CDH4: variants seen among roughly 807,000 people sequenced by gnomAD.
CDH4 encodes the protein cadherin 4, also known as cadherin-4.
A neutral mutation model predicts 86.0 loss-of-function variants in CDH4; 33 were observed. That is an observed-to-expected ratio of 0.38 (90% CI 0.29 to 0.51). The LOEUF is 0.51. Among genes scored for constraint, CDH4 ranks in the 20% least tolerant of loss-of-function variants. The pLI is 0.86. For synonymous variants in CDH4, 555 were observed against 549.4 expected, an observed-to-expected ratio of 1.01 and a Z score of -0.14; for missense variants, 1,114 against 1,307.4, an observed-to-expected ratio of 0.85 and a Z score of 2.28.
rs2085029651 is a variant in CDH4 at position 61,398,155 on chromosome 20, T to G, written c.169+143218T>G. ...GAATGAGCATTCAAGCGTATCAGTC[T>G]TGGTTATTTATCTTGGAATTGATAA... On this transcript the variant is annotated intron_variant, in intron 2 of 15. Coordinates refer to ENST00000614565, the MANE Select transcript of CDH4 (RefSeq NM_001794.5). Among the ~76,000 whole-genome samples, 3 of 152,362 alleles carry G rather than the reference T, an allele frequency of 2.0e-5. No homozygotes were observed. In the South Asian group the frequency reaches 6.2e-4, roughly 32 times the overall value.
chr20:61,485,377 T>C (rs932136414), intron 2 of CDH4, among the ~76,000 whole-genome samples: 1 of 152,176 alleles, frequency 6.6e-6, no homozygotes, highest in African/African-American at 2.4e-5. Flanking sequence ...AAAGCATCCC[T>C]GCGGAGGAGG....
chr20:61,732,006 G>T (rs2088195765), intron 2 of CDH4, among the ~76,000 whole-genome samples: 1 of 152,136 alleles, frequency 6.6e-6, no homozygotes, highest in Admixed American at 6.5e-5. Context: ...ACCACCTTCA[G>T]AAACCTTGGA....
At chr20:61,565,112 GCTGGTGCTCTTGGTGGTGCTGGTC>G (rs2145693555) in intron 2 of CDH4, among the ~76,000 whole-genome samples, 1 of 123,758 alleles carries the variant, frequency 8.1e-6, no homozygotes, top group Non-Finnish European at 1.8e-5. Flanking sequence ...TCTTGGTGGT[GCTGGTGCTCTTGGTGGTGCTGGTC>G]CTCTTGGTGT....
intron 8 of CDH4, among the ~76,000 whole-genome samples, chr20:61,898,768 G>A (rs1010717697): frequency 7.2e-5 from 11 of 152,150 alleles, no homozygotes; most frequent in African/African-American, 2.4e-4. Flanking sequence ...TCAAGGTGTC[G>A]TCGGGAGCAC....
In CDH4 at chr20:61,910,485, C is replaced by A; in HGVS notation, c.1252C>A (p.Arg418=). The change falls in exon 9 of 16, where the codon CGA becomes AGA. Residue 418 remains arginine (R), a synonymous_variant. Transcript: ENST00000614565. The part of the protein sequence containing the change: ...TVVANLTVMD[R]DQPHSPNWNA... ...GGTCGCAAACCTCACGGTGATGGACCGAGATCAGCCCCACTCTCCAAACTG... is the reference window on the plus strand; with the variant it reads ...GGTCGCAAACCTCACGGTGATGGACAGAGATCAGCCCCACTCTCCAAACTG... 1.9e-6 allele frequency: 3 copies of A among 1,614,000 alleles called. No individual in the cohort carries two copies. Among genetic ancestry groups the A allele is most frequent in the Non-Finnish European group, 2.5e-6 (3 of 1,180,038 alleles).
rs1460562854 is a variant in CDH4 at position 61,417,451 on chromosome 20, C to A, written c.169+162514C>A. Among the ~76,000 whole-genome samples, 1 of 152,164 alleles carries A rather than the reference C, an allele frequency of 6.6e-6. No individual in the cohort carries two copies. Among genetic ancestry groups the A allele is most frequent in the Non-Finnish European group, 1.5e-5 (1 of 68,036 alleles). ...GTGGGGCCCGAGTGCCAGCTGTTTC[C>A]TCTAAAAATATCACCCACGTGAGCC... is the stretch of plus-strand genomic sequence containing the variant. On this transcript the variant is annotated intron_variant, in intron 2 of 15. Coordinates refer to ENST00000614565, the MANE Select transcript of CDH4 (RefSeq NM_001794.5). The surrounding 1 kb of genome is among the most constrained non-coding windows in gnomAD (Gnocchi z 4.0).
chr20:61,849,688 CT>C (rs1412729965), intron 5 of CDH4, among the ~76,000 whole-genome samples: 5 of 152,200 alleles, frequency 3.3e-5, no homozygotes, highest in African/African-American at 9.6e-5. Context: ...CAGCCACCCC[CT>C]GAAGGGCACC....
chr20:61,910,355 C>T (rs1296483874), intron 8 of CDH4, 67 bp from the exon 9 acceptor site: 8 of 1,348,874 alleles, frequency 5.9e-6, no homozygotes, highest in African/African-American at 5.7e-5. Context: ...ACATATGCTA[C>T]GTGCACTTCT....
intron 5 of CDH4, among the ~76,000 whole-genome samples, chr20:61,852,541 C>T (rs747796503): frequency 1.1e-4 from 17 of 152,158 alleles, no homozygotes; most frequent in East Asian, 1.9e-4. Flanking sequence ...CAGCTCTGTG[C>T]GTCGCCCCAC....
intron 2 of CDH4, among the ~76,000 whole-genome samples, chr20:61,275,226 A>AC (rs1270468722): frequency 7.9e-6 from 1 of 127,056 alleles, no homozygotes; most frequent in Admixed American, 9.2e-5. Context: ...TTGGGGGAGT[A>AC]CCGTGTGCAG....
chr20:61,731,510 T>TC (rs753639381), intron 2 of CDH4, among the ~76,000 whole-genome samples: 21 of 152,046 alleles, frequency 1.4e-4, no homozygotes, highest in South Asian at 4.2e-4. Flanking sequence ...CCTGGGCAGG[T>TC]CCCCCCCAGG....
intron 2 of CDH4, among the ~76,000 whole-genome samples, chr20:61,282,645 A>C (rs1281385796): frequency 6.6e-6 from 1 of 152,176 alleles, no homozygotes; most frequent in Non-Finnish European, 1.5e-5. Context: ...TAATGTGTTC[A>C]TATGTACATA....
chr20:61,676,457 G>A lies in CDH4; in HGVS notation c.170-67106G>A, dbSNP rs1229596057. On this transcript the variant is annotated intron_variant, in intron 2 of 15. Coordinates refer to ENST00000614565, the MANE Select transcript of CDH4 (RefSeq NM_001794.5). This position sits in a 1 kb window ranked among gnomAD's most constrained non-coding sequence, Gnocchi z 4.5. ...GATGGTGTGAACAATGGAGGCCCGG[G>A]GCTCCCTCCTCCTGGGTCTACCCCT... Among the ~76,000 whole-genome samples the A allele has an allele frequency of 6.6e-6, 1 of 152,054 alleles. No homozygotes were observed. Among genetic ancestry groups the A allele is most frequent in the African/African-American group, 2.4e-5 (1 of 41,396 alleles).
rs117160821 is a variant in CDH4, at chr20:61,741,494, G to A, written c.170-2069G>A. Among the ~76,000 whole-genome samples, 866 of 132,258 alleles carry A rather than the reference G, an allele frequency of 6.5e-3. 5 individuals carry two copies. Among genetic ancestry groups the A allele is most frequent in the Middle Eastern group, 0.011 (3 of 262 alleles). The allele number at this position is 132,258 out of a possible 152,430, so 86.8% of individuals were successfully genotyped here. A position where few individuals can be genotyped will look rare whatever the true frequency, so the allele number is the denominator to read the frequency against. On this transcript the variant is annotated intron_variant, in intron 2 of 15. Transcript: ENST00000614565. ...AAGATGTCACCAAAGCTGTGTGCCT[G>A]TACTTTTTTTTTTTTGAGACCGAGT...
intron 2 of CDH4, among the ~76,000 whole-genome samples, chr20:61,419,543 C>T (rs1029380989): frequency 9.9e-5 from 15 of 152,152 alleles, no homozygotes; most frequent in African/African-American, 2.4e-4. Context: ...GAGAGGGGAT[C>T]GTTTGGCTTC....
At chr20:61,503,674 T>G (rs970803650) in intron 2 of CDH4, among the ~76,000 whole-genome samples, 5 of 152,238 alleles carry the variant, frequency 3.3e-5, no homozygotes, top group African/African-American at 1.2e-4. Flanking sequence ...GGTAATTGAC[T>G]CCAACATAGA....
rs1225693519 is a variant in CDH4 at position 61,574,919 on chromosome 20, C to T, written c.170-168644C>T. Among the ~76,000 whole-genome samples, 12 of 152,320 alleles carry T rather than the reference C, an allele frequency of 7.9e-5. No homozygotes were observed. The South Asian group carries it at 1.7e-3, about 21-fold the overall frequency. ...CCACCTTTGCTGGGAAGGATTCTCTCAGGACAGAGCAAAGATAAGCTAAAG... is the reference window on the plus strand; with the variant it reads ...CCACCTTTGCTGGGAAGGATTCTCTTAGGACAGAGCAAAGATAAGCTAAAG... On this transcript the variant is annotated intron_variant, in intron 2 of 15. Coordinates refer to ENST00000614565, the MANE Select transcript of CDH4 (RefSeq NM_001794.5).
intron 2 of CDH4, among the ~76,000 whole-genome samples, chr20:61,694,853 G>C (rs924115412): frequency 6.6e-6 from 1 of 152,206 alleles, no homozygotes; most frequent in Non-Finnish European, 1.5e-5. Flanking sequence ...CTGGCGATAC[G>C]CGGCAGATAG....
chr20:61,768,524 C>G (rs988779103), intron 3 of CDH4, among the ~76,000 whole-genome samples: 1 of 152,110 alleles, frequency 6.6e-6, no homozygotes, highest in African/African-American at 2.4e-5. Context: ...AAAACAGGCA[C>G]CAGGGAAAAT....
Sources: gnomAD v4.1 joint callset for allele counts (sites outside exome capture counted in the v4.1 genomes callset) on GRCh38, gnomAD v4.1.1 for gene constraint, Gnocchi (gnomAD v3.1) non-coding constraint, MANE v1.5 for transcripts, NCBI Gene and HGNC (gene_info 2026-07-23, HGNC 2026-07-21) for gene names.